CFAP47: variants seen among roughly 807,000 people sequenced by gnomAD.
The protein encoded by CFAP47 is cilia- and flagella-associated protein 47.
In CFAP47, 29 loss-of-function variants were observed where a neutral mutation model predicts 148.1. The ratio of observed to expected loss-of-function variants is 0.20; its 90% CI spans 0.15 to 0.27. CFAP47 has a LOEUF of 0.27. Among genes scored for constraint, CFAP47 ranks in the 10% least tolerant of loss-of-function variants. The pLI is 1.00. For synonymous variants in CFAP47, 664 were observed against 577.3 expected, an observed-to-expected ratio of 1.15 and a Z score of -2.15; for missense variants, 1,872 against 1,697.5, an observed-to-expected ratio of 1.10 and a Z score of -1.81.
chrX:35,989,245 A>G, intron 15 of CFAP47, 74 bp from the exon 16 acceptor site: 1 of 799,649 alleles, frequency 1.3e-6, no homozygotes, highest in African/African-American at 2.1e-5. Flanking sequence ...CTTAACTCTT[A>G]TTTTGGATAT....
intron 49 of CFAP47, among the ~76,000 whole-genome samples, chrX:36,278,898 A>G (rs1223684632): frequency 8.9e-6 from 1 of 111,933 alleles, no homozygotes; most frequent in Non-Finnish European, 1.9e-5. Flanking sequence ...AATGGCTGTC[A>G]TATTGTACAG....
At position 36,160,742 on chromosome X, in the gene CFAP47, A is replaced by C. The variant is rs1939419525; in HGVS notation, c.5999A>C (p.Asn2000Thr). 1 of 292,117 alleles carries C rather than the reference A, an allele frequency of 3.4e-6. No homozygotes were observed. The highest frequency in any genetic ancestry group is 5.9e-6 in the Non-Finnish European group (1 of 168,614). 24.1% of individuals were successfully genotyped at this position (292,117 alleles called of 1,213,427 possible). A position where few individuals can be genotyped will look rare whatever the true frequency, so the allele number is the denominator to read the frequency against. ...QFQEVTVNVK[N>T]PFHTAGDFSV... ...CAGGAAGTCACTGTAAATGTGAAAA[A>C]CCCCTTCCATACGGCTGGGGACTTC... is the stretch of plus-strand genomic sequence containing the variant. The change falls in exon 39 of 64, where the codon AAC becomes ACC. Residue 2000 changes from asparagine to threonine, a missense_variant. Transcript: ENST00000378653.
chrX:36,320,527 A>T (rs1941470180), intron 57 of CFAP47, among the ~76,000 whole-genome samples: 2 of 112,071 alleles, frequency 1.8e-5, no homozygotes, highest in Admixed American at 1.9e-4. Flanking sequence ...ATTAACTTAC[A>T]CAGAATCAAA....
intron 29 of CFAP47, among the ~76,000 whole-genome samples, chrX:36,073,944 T>C (rs774714081): frequency 2.1e-4 from 24 of 112,111 alleles, no homozygotes; most frequent in Non-Finnish European, 4.5e-4. Flanking sequence ...TCTCAGAGCT[T>C]TTCTACCTGC....
intron 60 of CFAP47, among the ~76,000 whole-genome samples, chrX:36,357,779 C>T (rs1275127279): frequency 9.0e-6 from 1 of 111,275 alleles, no homozygotes; most frequent in Non-Finnish European, 1.9e-5. Context: ...CTTTGTAATT[C>T]TCTATGGATT....
Position 36,073,262 on chromosome X carries a change from A to G in CFAP47, c.4589A>G (p.His1530Arg). The G allele has an allele frequency of 5.8e-6, 7 of 1,210,181 alleles. No individual in the cohort carries two copies. The highest frequency in any genetic ancestry group is 7.8e-6 in the Non-Finnish European group (7 of 894,418). ...TCTCTTGAGGAAGGAACAAAGGCAC[A>G]CTACTTTTTTGAGAAGGTTGTAAAT... ...FLSLEEGTKA[H>R]YFFEKVVNAA... The change falls in exon 29 of 64, where the codon CAC becomes CGC. Residue 1530 changes from histidine to arginine, a missense_variant. Transcript: ENST00000378653.
chrX:36,177,618 A>G (rs1038455852), intron 39 of CFAP47, among the ~76,000 whole-genome samples: 1 of 112,201 alleles, frequency 8.9e-6, no homozygotes, highest in Non-Finnish European at 1.9e-5. Flanking sequence ...TTTACATTTT[A>G]CTATAGTTAA....
intron 33 of CFAP47, among the ~76,000 whole-genome samples, chrX:36,130,919 T>C (rs781599160): frequency 9.0e-6 from 1 of 110,633 alleles, no homozygotes; most frequent in Non-Finnish European, 1.9e-5. Flanking sequence ...ATGGTTACCA[T>C]GGACTGGGAA....
intron 26 of CFAP47, among the ~76,000 whole-genome samples, chrX:36,053,522 A>G (rs1323637741): frequency 9.0e-6 from 1 of 111,168 alleles, no homozygotes; most frequent in African/African-American, 3.3e-5. Context: ...TAGAATAAGC[A>G]GTGAGGAAGG....
chrX:36,260,399 A>C lies in CFAP47; in HGVS notation c.7444+8955A>C, dbSNP rs1940803653. Among the ~76,000 whole-genome samples, 3 of 111,643 alleles carry C rather than the reference A, an allele frequency of 2.7e-5. No homozygotes were observed. The Admixed American group carries it at 2.8e-4, about 11-fold the overall frequency. On this transcript the variant is annotated intron_variant, in intron 49 of 63. Coordinates refer to ENST00000378653, the MANE Select transcript of CFAP47 (RefSeq NM_001304548.2). The stretch of plus-strand genomic sequence containing the variant: ...CCTCGCTAGCATCTATTATTTTCTG[A>C]CTTTTTAATAATAACCATTCAGATT...
intron 61 of CFAP47, among the ~76,000 whole-genome samples, chrX:36,362,305 C>T (rs1941835317): frequency 8.9e-6 from 1 of 112,311 alleles, no homozygotes; most frequent in Non-Finnish European, 1.9e-5. Context: ...TAGTAGGTAG[C>T]TTTTTAACCT....
At chrX:35,954,523 C>T (rs1936216159) in intron 7 of CFAP47, among the ~76,000 whole-genome samples, 1 of 111,500 alleles carries the variant, frequency 9.0e-6, no homozygotes, top group African/African-American at 3.3e-5. Context: ...GTCTGCTGAT[C>T]CTAGACAGCA....
intron 27 of CFAP47, among the ~76,000 whole-genome samples, chrX:36,068,215 C>G (rs940102211): frequency 1.8e-5 from 2 of 112,000 alleles, no homozygotes; most frequent in African/African-American, 6.5e-5. Context: ...TATAGAAGAT[C>G]CCTGCCTCTG....
chrX:36,132,446 A>T (rs779732683), intron 33 of CFAP47, among the ~76,000 whole-genome samples: 1 of 111,889 alleles, frequency 8.9e-6, no homozygotes, highest in Non-Finnish European at 1.9e-5. Flanking sequence ...GTGTTGGGTG[A>T]GGCCAGAAAT....
At chrX:35,999,573 A>G (rs970345239) in intron 19 of CFAP47, among the ~76,000 whole-genome samples, 1 of 112,489 alleles carries the variant, frequency 8.9e-6, no homozygotes, top group African/African-American at 3.2e-5. Flanking sequence ...ATGTGATATC[A>G]TAATATAAGT....
chrX:36,128,212 G>C (rs1009675076), intron 33 of CFAP47, among the ~76,000 whole-genome samples: 3 of 110,654 alleles, frequency 2.7e-5, no homozygotes, highest in Non-Finnish European at 5.7e-5. Flanking sequence ...AGTTCTCTTT[G>C]TAACTATCTT....
At chrX:36,101,465 T>C (rs1458594157) in intron 32 of CFAP47, among the ~76,000 whole-genome samples, 1 of 111,453 alleles carries the variant, frequency 9.0e-6, no homozygotes, top group Non-Finnish European at 1.9e-5. Context: ...GTCTGAGAAA[T>C]CTTTTCAGTT....
rs1347647055 is a variant in CFAP47, at chrX:36,138,034, G to A, written c.5397G>A (p.Leu1799=). The change falls in exon 34 of 64, where the codon TTG becomes TTA. Residue 1799 remains leucine (L), a synonymous_variant. Coordinates refer to ENST00000378653, the MANE Select transcript of CFAP47 (RefSeq NM_001304548.2). ...LSDGLVFATQ[L]GAYCPFLIES... Reference sequence around the variant, plus strand: ...ATGGTCTTGTTTTTGCAACACAGTTGGGAGCCTATTGCCCATTCTTGGTAA... The same window carrying A: ...ATGGTCTTGTTTTTGCAACACAGTTAGGAGCCTATTGCCCATTCTTGGTAA... 16 of 899,223 alleles carry A rather than the reference G, an allele frequency of 1.8e-5. No homozygotes were observed. In the South Asian group the frequency reaches 3.2e-4, roughly 18 times the overall value. The allele number at this position is 899,223 out of a possible 1,213,427, so 74.1% of individuals were successfully genotyped here.
At chrX:36,079,573 T>A (rs1049145412) in intron 29 of CFAP47, among the ~76,000 whole-genome samples, 4 of 111,417 alleles carry the variant, frequency 3.6e-5, no homozygotes, top group Non-Finnish European at 3.8e-5. Context: ...AGTTAGCCAA[T>A]CATCTAATCT....
Sources: allele counts gnomAD v4.1 joint callset (sites outside exome capture counted in the v4.1 genomes callset), GRCh38; gene constraint gnomAD v4.1.1; transcripts MANE v1.5; gene names NCBI Gene and HGNC (gene_info 2026-07-23, HGNC 2026-07-21).